Variants in ELMO2 observed in about 807,000 individuals in gnomAD.
The protein encoded by ELMO2 is engulfment and cell motility 2, also known as engulfment and cell motility protein 2.
A neutral mutation model predicts 96.2 loss-of-function variants in ELMO2; 37 were observed. The observed-to-expected ratio is 0.38, with a 90% CI of 0.30 to 0.51. The LOEUF is 0.51. Among genes scored for constraint, ELMO2 ranks in the 20% least tolerant of loss-of-function variants. The pLI, the probability that ELMO2 is intolerant of heterozygous loss-of-function variation, is 0.88. For synonymous variants in ELMO2, 315 were observed against 329.4 expected (o/e 0.96, Z 0.47); for missense variants, 561 against 912.6 (o/e 0.61, Z 4.96).
chr20:46,384,956 AAAAG>A (rs929923746), intron 9 of ELMO2, among the ~76,000 whole-genome samples: 47 of 152,200 alleles, frequency 3.1e-4, no homozygotes, highest in African/African-American at 1.1e-3. Flanking sequence ...CCTGTCTCAA[AAAAG>A]AAAAGCAAAG....
Position 46,367,301 on chromosome 20 carries a change from AG to A in ELMO2, c.*58del. The A allele has an allele frequency of 1.5e-6, 2 of 1,371,076 alleles. No individual in the cohort carries two copies. Among genetic ancestry groups the A allele is most frequent in the Non-Finnish European group, 1.9e-6 (2 of 1,039,126 alleles). The allele number at this position is 1,371,076 out of a possible 1,614,324, so 84.9% of individuals were successfully genotyped here. ...GCAAAAGACAAGGCACCAGAATGTA[AG>A]TGTTTCTCCTGGGCCCAAAATCCCT... On this transcript the variant is annotated 3_prime_UTR_variant, in exon 22 of 22. Transcript: ENST00000290246.
intron 1 of ELMO2, among the ~76,000 whole-genome samples, chr20:46,400,107 T>C (rs1419381784): frequency 6.6e-6 from 1 of 152,174 alleles, no homozygotes; most frequent in East Asian, 1.9e-4. Context: ...CACTGAACTC[T>C]AGCCTGGGTG....
intron 21 of ELMO2, among the ~76,000 whole-genome samples, chr20:46,368,227 G>A (rs1028647347): frequency 1.3e-5 from 2 of 151,904 alleles, no homozygotes; most frequent in South Asian, 4.1e-4. Flanking sequence ...TGTCTCCTCT[G>A]CCAGAAGTCC....
chr20:46,388,354 A>C (rs2060086561), intron 7 of ELMO2, among the ~76,000 whole-genome samples: 1 of 152,204 alleles, frequency 6.6e-6, no homozygotes, highest in Non-Finnish European at 1.5e-5. Context: ...CAATTTCAAT[A>C]GTTGATCTAT....
intron 6 of ELMO2, chr20:46,390,662 T>C (rs1282049468): frequency 1.3e-5 from 2 of 152,174 alleles, no homozygotes; most frequent in African/African-American, 4.8e-5. Context: ...TCATTCTCTG[T>C]TTTTTGGGTG....
At chr20:46,374,683 G>C (rs749901058) in intron 13 of ELMO2, 43 bp from the exon 14 acceptor site, 17 of 1,571,652 alleles carry the variant, frequency 1.1e-5, no homozygotes, top group Non-Finnish European at 1.5e-5. Flanking sequence ...GGCAGTCTCC[G>C]TGTATGCAGG....
intron 20 of ELMO2, 111 bp from the exon 21 acceptor site, chr20:46,369,079 G>T: frequency 1.0e-6 from 1 of 984,802 alleles, no homozygotes; most frequent in Non-Finnish European, 1.6e-6. Context: ...TGCTGATTCA[G>T]ATGAATGTCA....
chr20:46,375,602 G>A lies in ELMO2; in HGVS notation c.930+66C>T, dbSNP rs1445771998. On this transcript the variant is annotated intron_variant, in intron 12 of 21. Transcript: ENST00000290246. The surrounding 1 kb of genome is among the most constrained non-coding windows in gnomAD (Gnocchi z 4.6). ...CAGACAAAGACCAAGCACAGTGCCT[G>A]GCACATAGACTAAGGCTGGACTGCA... The A allele has an allele frequency of 6.2e-7, 1 of 1,605,420 alleles. No homozygotes were observed. The highest frequency in any genetic ancestry group is 1.7e-5 in the Admixed American group (1 of 59,708).
intron 16 of ELMO2, chr20:46,373,130 C>T: frequency 2.3e-6 from 1 of 441,604 alleles, no homozygotes; most frequent in Admixed American, 3.7e-5. Flanking sequence ...TGCTTATCCT[C>T]CTGACCTCTC....
At chr20:46,397,282 G>T (rs1472979247) in intron 2 of ELMO2, among the ~76,000 whole-genome samples, 1 of 152,172 alleles carries the variant, frequency 6.6e-6, no homozygotes, top group Non-Finnish European at 1.5e-5. Context: ...TCTCTGAACT[G>T]AATGACACTC....
intron 11 of ELMO2, among the ~76,000 whole-genome samples, chr20:46,376,247 G>C (rs1474541979): frequency 6.6e-6 from 1 of 152,138 alleles, no homozygotes; most frequent in Non-Finnish European, 1.5e-5. Context: ...GAGAGGCTTT[G>C]GGAAAGGCCA....
Position 46,394,419 on chromosome 20 carries a change from G to A in ELMO2, c.64C>T (p.Leu22Phe). Residue 22 changes from leucine to phenylalanine, a missense_variant, in exon 3 of 22, where the codon CTT (leucine) becomes TTT (phenylalanine). By Grantham distance (22) the Leu-to-Phe change is conservative. Transcript: ENST00000290246. Reference protein sequence around the residue: ...IEWPGANAQLLEIDQKRPLAS... With the variant: ...IEWPGANAQLFEIDQKRPLAS... ...CAGGAGCATACCTGGTCGATTTCAA[G>A]GAGCTGGGCGTTAGCACCTGGCCAC... 6.2e-7 allele frequency: 1 copy of A among 1,614,198 alleles called. No individual in the cohort carries two copies. The highest frequency in any genetic ancestry group is 8.5e-7 in the Non-Finnish European group (1 of 1,180,036).
At chr20:46,400,411 G>C (rs1199715795) in intron 1 of ELMO2, among the ~76,000 whole-genome samples, 6 of 152,240 alleles carry the variant, frequency 3.9e-5, no homozygotes, top group African/African-American at 1.4e-4. Flanking sequence ...TTCTAGAAAG[G>C]AAGTAGAAAT....
In ELMO2 at chr20:46,375,254, G is replaced by A; in HGVS notation, c.1047C>T (p.Tyr349=). The change falls in exon 13 of 22, where the codon TAC becomes TAT. Residue 349 remains tyrosine (Y), a synonymous_variant. Transcript: ENST00000290246. This position sits in a 1 kb window ranked among gnomAD's most constrained non-coding sequence, Gnocchi z 4.6. ...EKRKAMYTKD[Y]KMLGFTNHIN... is the part of the protein sequence containing the mutation. ...TACTTACGGTAAATCCCAGCATTTT[G>A]TAGTCCTTTGTGTACATGGCTTTGC... is the stretch of plus-strand genomic sequence containing the variant. 2 of 1,614,038 alleles carry A rather than the reference G, an allele frequency of 1.2e-6. No homozygotes were observed. The highest frequency in any genetic ancestry group is 1.7e-6 in the Non-Finnish European group (2 of 1,180,028).
intron 2 of ELMO2, among the ~76,000 whole-genome samples, chr20:46,398,242 C>G (rs181721344): frequency 6.6e-6 from 1 of 152,152 alleles, no homozygotes; most frequent in Admixed American, 6.5e-5. Context: ...TGAAACAGAT[C>G]GGTTATATGG....
intron 7 of ELMO2, chr20:46,387,789 G>A (rs966060045): frequency 1.1e-5 from 2 of 188,466 alleles, no homozygotes; most frequent in Non-Finnish European, 2.2e-5. Flanking sequence ...ACCTAAGGAA[G>A]TGTAAGTGCC....
chr20:46,399,113 A>C (rs1290367939), intron 1 of ELMO2, among the ~76,000 whole-genome samples: 3 of 152,214 alleles, frequency 2.0e-5, no homozygotes, highest in South Asian at 4.1e-4. Context: ...CCAGAATTTG[A>C]TACCAGGTTG....
intron 11 of ELMO2, chr20:46,376,919 C>A: frequency 1.1e-6 from 1 of 874,246 alleles, no homozygotes; most frequent in East Asian, 6.4e-5. Context: ...CTTAGTTGCA[C>A]CAGCCACATT....
At chr20:46,380,211 G>A (rs1414082632) in intron 11 of ELMO2, 42 bp downstream of exon 11, 3 of 1,472,008 alleles carry the variant, frequency 2.0e-6, no homozygotes, top group Admixed American at 3.4e-5. Context: ...AGTAATAATT[G>A]TTGTTAATAG....
Sources: allele counts gnomAD v4.1 joint callset (sites outside exome capture counted in the v4.1 genomes callset), GRCh38; gene constraint gnomAD v4.1.1; non-coding constraint Gnocchi (gnomAD v3.1); transcripts MANE v1.5; gene names NCBI Gene and HGNC (gene_info 2026-07-23, HGNC 2026-07-21).